Variants in CDH2 observed in about 807,000 individuals in gnomAD.
CDH2 encodes cadherin-2.
A neutral mutation model predicts 92.0 loss-of-function variants in CDH2; 17 were observed. That is an observed-to-expected ratio of 0.18 (90% CI 0.13 to 0.28). The LOEUF is 0.28. Ranked by LOEUF, CDH2 falls within the 10% of genes least tolerant of loss-of-function variation. The pLI is 1.00. For synonymous variants in CDH2, 419 were observed against 415.9 expected, an observed-to-expected ratio of 1.01 and a Z score of -0.09; for missense variants, 862 against 1,133.1, an observed-to-expected ratio of 0.76 and a Z score of 3.44.
At chr18:27,996,517 T>C (rs1599020125) in intron 7 of CDH2, among the ~76,000 whole-genome samples, 1 of 152,194 alleles carries the variant, frequency 6.6e-6, no homozygotes, top group Non-Finnish European at 1.5e-5. Context: ...TGGAGACGAC[T>C]TCTGAAAGTT....
intron 2 of CDH2, among the ~76,000 whole-genome samples, chr18:28,136,450 C>T (rs2015864166): frequency 6.6e-6 from 1 of 150,760 alleles, no homozygotes; most frequent in Non-Finnish European, 1.5e-5. Flanking sequence ...TCATTAAACT[C>T]GTTTATCAGA....
At chr18:27,973,103 T>G (rs561048350) in intron 14 of CDH2, among the ~76,000 whole-genome samples, 2 of 152,280 alleles carry the variant, frequency 1.3e-5, no homozygotes, top group South Asian at 4.1e-4. Context: ...CCCCAGGTCA[T>G]AGGAACTGTG....
intron 2 of CDH2, among the ~76,000 whole-genome samples, chr18:28,021,091 C>T (rs2013398566): frequency 6.6e-6 from 1 of 151,866 alleles, no homozygotes; most frequent in Admixed American, 6.6e-5. Flanking sequence ...ACATGACTTC[C>T]ATTGAATTGC....
chr18:28,067,114 T>C (rs1435762284), intron 2 of CDH2, among the ~76,000 whole-genome samples: 1 of 152,188 alleles, frequency 6.6e-6, no homozygotes, highest in Non-Finnish European at 1.5e-5. Context: ...TGAAAGTAAA[T>C]ATCTGCATGC....
chr18:28,051,719 A>T (rs10502507), intron 2 of CDH2, among the ~76,000 whole-genome samples: 25,217 of 152,088 alleles, frequency 0.17, 2,418 homozygotes, highest in East Asian at 0.3. Flanking sequence ...CTATAAGGAC[A>T]GCTAAGAATG....
chr18:28,078,341 C>T (rs922942989), intron 2 of CDH2, among the ~76,000 whole-genome samples: 9 of 152,002 alleles, frequency 5.9e-5, no homozygotes, highest in South Asian at 2.1e-4. Context: ...CACATATAAA[C>T]GAAAATGGAG....
chr18:28,085,471 A>C (rs7233001), intron 2 of CDH2, among the ~76,000 whole-genome samples: 3,667 of 152,126 alleles, frequency 0.024, 64 homozygotes, highest in East Asian at 0.053. Flanking sequence ...CTCAAATCTT[A>C]ACTGTCCAAG....
At chr18:27,983,809 G>A (rs1800869783) in intron 13 of CDH2, among the ~76,000 whole-genome samples, 1 of 152,158 alleles carries the variant, frequency 6.6e-6, no homozygotes, top group African/African-American at 2.4e-5. Context: ...AATCCATCAT[G>A]CCTAAGTCTT....
chr18:28,163,627 C>T (rs2016337635), intron 1 of CDH2, among the ~76,000 whole-genome samples: 1 of 152,222 alleles, frequency 6.6e-6, no homozygotes, highest in African/African-American at 2.4e-5. Context: ...CAACAATAAA[C>T]CAAATAAGTA....
Position 28,132,868 on chromosome 18 carries a change from C to G in CDH2, c.172+14805G>C, listed in dbSNP as rs17494892. 6.7e-3 allele frequency among the ~76,000 whole-genome samples: 1,019 copies of G among 152,276 alleles called. 12 individuals are homozygous for G. The highest frequency in any genetic ancestry group is 0.023 in the African/African-American group (966 of 41,550). ...TTCTCCTGCATAGGTCTAGATGACT[C>G]GCACCCTATCAGCCAATTCTAATTC... is the stretch of plus-strand genomic sequence containing the variant. On this transcript the variant is annotated intron_variant, in intron 2 of 15. Coordinates refer to ENST00000269141, the MANE Select transcript of CDH2 (RefSeq NM_001792.5).
rs773010323 is a variant in CDH2 at position 27,960,049 on chromosome 18, A to ACACACACAC, written c.2514+3307_2514+3308insGTGTGTGTG. Among the ~76,000 whole-genome samples the ACACACACAC allele has an allele frequency of 2.8e-4, 18 of 63,224 alleles. No homozygotes were observed. The East Asian group carries it at 5.9e-3, about 21-fold the overall frequency. The allele number at this position is 63,224 out of a possible 152,430, so 41.5% of individuals were successfully genotyped here. ...ACACACACACACACACACACACACAAACACACACTCGTGGATTTAGTTGCC... is the reference window on the plus strand; with the variant it reads ...ACACACACACACACACACACACACAACACACACACACACACACTCGTGGATTTAGTTGCC... On this transcript the variant is annotated intron_variant, in intron 15 of 15. Transcript: ENST00000269141.
At chr18:27,938,768 C>T (rs1038564088) in intron 6 of CDH2, among the ~76,000 whole-genome samples, 31 of 152,078 alleles carry the variant, frequency 2.0e-4, no homozygotes, top group Admixed American at 1.7e-3. Context: ...GTTATAGCAT[C>T]GCTTAATTTC....
At chr18:27,992,466 G>T (rs1408214036) in intron 9 of CDH2, among the ~76,000 whole-genome samples, 189 bp downstream of exon 9, 1 of 152,168 alleles carries the variant, frequency 6.6e-6, no homozygotes, top group African/African-American at 2.4e-5. Flanking sequence ...TGAGAGTACT[G>T]ATGTTGGCCT....
At chr18:27,982,188 A>T (rs148183562) in intron 14 of CDH2, among the ~76,000 whole-genome samples, 9 of 151,828 alleles carry the variant, frequency 5.9e-5, no homozygotes, top group African/African-American at 2.2e-4. Context: ...AATGCCTGAC[A>T]TGTAGTATAG....
At chr18:28,171,003 C>T (rs1019916758) in intron 1 of CDH2, among the ~76,000 whole-genome samples, 1 of 151,372 alleles carries the variant, frequency 6.6e-6, no homozygotes, top group Admixed American at 6.6e-5. Context: ...CCGAGGCAGG[C>T]GGATTCCCTG....
rs764616135 is a variant in CDH2 at position 27,985,773 on chromosome 18, G to A, written c.1742-12C>T. ...CATAGGAGGAATTCCTGAAAAGAGA[G>A]AAAAATCACAAATGATGCTGAACAG... On this transcript the variant is annotated splice_polypyrimidine_tract_variant and intron_variant, in intron 11 of 15. Transcript: ENST00000269141. The A allele has an allele frequency of 6.8e-7, 1 of 1,476,120 alleles. No homozygotes were observed. Among genetic ancestry groups the A allele is most frequent in the Non-Finnish European group, 9.4e-7 (1 of 1,061,554 alleles). The allele number at this position is 1,476,120 out of a possible 1,614,324, so 91.4% of individuals were successfully genotyped here. A position where few individuals can be genotyped will look rare whatever the true frequency, so the allele number is the denominator to read the frequency against.
In CDH2 at chr18:28,043,461, AATATAT is replaced by A. The variant is rs1158754890; in HGVS notation, c.173-29558_173-29553del. 7.9e-3 allele frequency among the ~76,000 whole-genome samples: 565 copies of A among 71,942 alleles called. 2 individuals are homozygous for A. Among genetic ancestry groups the A allele is most frequent in the South Asian group, 0.018 (39 of 2,166 alleles). The allele number at this position is 71,942 out of a possible 152,430, so 47.2% of individuals were successfully genotyped here. On this transcript the variant is annotated intron_variant, in intron 2 of 15. Coordinates refer to ENST00000269141, the MANE Select transcript of CDH2 (RefSeq NM_001792.5). ...ACCCTAAAAATTACTGATATAAATA[AATATAT>A]ATATATATATATATATATATATATA...
Position 28,177,081 on chromosome 18 carries a change from CGGAGGA to C in CDH2, c.-65_-60del, listed in dbSNP as rs914953945. 8 of 1,053,168 alleles carry C rather than the reference CGGAGGA, an allele frequency of 7.6e-6. No homozygotes were observed. The highest frequency in any genetic ancestry group is 5.2e-5 in the African/African-American group (3 of 57,338). The allele number at this position is 1,053,168 out of a possible 1,614,324, so 65.2% of individuals were successfully genotyped here. On this transcript the variant is annotated 5_prime_UTR_variant, in exon 1 of 16. Coordinates refer to ENST00000269141, the MANE Select transcript of CDH2 (RefSeq NM_001792.5). ...GAGGCGGCGGCGGCGGCGGCGGCGG[CGGAGGA>C]GGAGGAGGCAGCGGCAGCACCAACA...
intron 2 of CDH2, among the ~76,000 whole-genome samples, chr18:28,026,694 A>G (rs2013562394): frequency 6.6e-6 from 1 of 152,200 alleles, no homozygotes; most frequent in South Asian, 2.1e-4. Flanking sequence ...CAATTCTAGC[A>G]GCCACATTAA....
Sources: gnomAD v4.1 joint callset for allele counts (sites outside exome capture counted in the v4.1 genomes callset) on GRCh38, gnomAD v4.1.1 for gene constraint, MANE v1.5 for transcripts, NCBI Gene and HGNC (gene_info 2026-07-23, HGNC 2026-07-21) for gene names.